CD38: variants seen among roughly 807,000 people sequenced by gnomAD.
CD38 encodes the protein CD38 molecule.
In CD38, 31 loss-of-function variants were observed where a neutral mutation model predicts 36.3. That is an observed-to-expected ratio of 0.85 (90% CI 0.64 to 1.15). The LOEUF (loss-of-function observed/expected upper bound fraction) is 1.15. Among genes scored for constraint, CD38 ranks in the 50% most tolerant of loss-of-function variants. CD38 has a pLI of 0.00. For synonymous variants in CD38, 131 were observed against 135.2 expected, an observed-to-expected ratio of 0.97 and a Z score of 0.22; for missense variants, 380 against 371.9, an observed-to-expected ratio of 1.02 and a Z score of -0.18.
At chr4:15,788,272 C>T (rs1333857091) in intron 1 of CD38, among the ~76,000 whole-genome samples, 3 of 152,152 alleles carry the variant, frequency 2.0e-5, no homozygotes, top group Middle Eastern at 3.2e-3. Flanking sequence ...AATCTTCCAC[C>T]CAGTGCACCA....
At chr4:15,816,392 G>A in intron 1 of CD38, 119 bp from the exon 2 acceptor site, 1 of 758,524 alleles carries the variant, frequency 1.3e-6, no homozygotes, top group East Asian at 2.9e-5. Flanking sequence ...GAGATAATAT[G>A]TATGAACTAC....
chr4:15,785,769 TG>T (rs1722804839), intron 1 of CD38, among the ~76,000 whole-genome samples: 1 of 152,198 alleles, frequency 6.6e-6, no homozygotes, highest in Admixed American at 6.5e-5. Flanking sequence ...CACATCTTAG[TG>T]GGTCCGGAAT....
intron 1 of CD38, among the ~76,000 whole-genome samples, chr4:15,784,705 G>A (rs1040138354): frequency 6.6e-6 from 1 of 152,122 alleles, no homozygotes; most frequent in Non-Finnish European, 1.5e-5. Flanking sequence ...TCTTCTTAAT[G>A]CTTAGTGTTA....
intron 6 of CD38, 111 bp downstream of exon 6, chr4:15,840,229 T>G (rs1724172993): frequency 2.5e-6 from 2 of 800,316 alleles, no homozygotes; most frequent in Non-Finnish European, 4.4e-6. Flanking sequence ...TGAAACTACA[T>G]GAATGTGCAT....
chr4:15,824,213 GT>G (rs1723798662), intron 2 of CD38, among the ~76,000 whole-genome samples: 1 of 151,998 alleles, frequency 6.6e-6, no homozygotes, highest in Non-Finnish European at 1.5e-5. Context: ...TAATACCTAG[GT>G]GATGGGTTAA....
chr4:15,817,681 A>G (rs555935729), intron 2 of CD38, among the ~76,000 whole-genome samples: 134 of 152,216 alleles, frequency 8.8e-4, no homozygotes, highest in Non-Finnish European at 1.6e-3. Flanking sequence ...ATAAGTGATG[A>G]TGATGCTGGG....
At chr4:15,835,191 T>C (rs1452008325) in intron 4 of CD38, among the ~76,000 whole-genome samples, 1 of 152,008 alleles carries the variant, frequency 6.6e-6, no homozygotes, top group African/African-American at 2.4e-5. Flanking sequence ...CTCCTCCTAC[T>C]TTTCTAAGCC....
At chr4:15,792,820 T>C (rs1723033464) in intron 1 of CD38, among the ~76,000 whole-genome samples, 1 of 152,216 alleles carries the variant, frequency 6.6e-6, no homozygotes, top group Non-Finnish European at 1.5e-5. Context: ...CCAATATCGA[T>C]CAGAAGTTTA....
chr4:15,804,785 T>A (rs182226959), intron 1 of CD38, among the ~76,000 whole-genome samples: 2 of 152,250 alleles, frequency 1.3e-5, no homozygotes, highest in African/African-American at 2.4e-5. Flanking sequence ...GAGACAGAGA[T>A]TGATCAATGA....
chr4:15,818,426 A>G (rs1010740010), intron 2 of CD38, among the ~76,000 whole-genome samples: 1 of 152,152 alleles, frequency 6.6e-6, no homozygotes, highest in Non-Finnish European at 1.5e-5. Context: ...GGATTTAATC[A>G]TTCCTGCCTG....
intron 1 of CD38, among the ~76,000 whole-genome samples, chr4:15,806,673 C>T (rs994716783): frequency 6.6e-5 from 10 of 152,142 alleles, no homozygotes; most frequent in Middle Eastern, 3.4e-3. Context: ...GTGAACTCGA[C>T]GGAATGATGT....
intron 3 of CD38, among the ~76,000 whole-genome samples, chr4:15,826,824 C>T (rs1023897808): frequency 6.6e-6 from 1 of 152,078 alleles, no homozygotes; most frequent in Non-Finnish European, 1.5e-5. Context: ...GGTATTGTTA[C>T]TTTAAAATTT....
At chr4:15,813,883 A>AT (rs1723527687) in intron 1 of CD38, among the ~76,000 whole-genome samples, 2 of 152,190 alleles carry the variant, frequency 1.3e-5, no homozygotes, top group Non-Finnish European at 2.9e-5. Flanking sequence ...AGTCTTTGCT[A>AT]TTGTAAATAG....
At chr4:15,797,559 G>A (rs1723128088) in intron 1 of CD38, among the ~76,000 whole-genome samples, 1 of 152,162 alleles carries the variant, frequency 6.6e-6, no homozygotes, top group Non-Finnish European at 1.5e-5. Context: ...GTGTGCTGCA[G>A]CTGCCGTGAT....
intron 1 of CD38, among the ~76,000 whole-genome samples, chr4:15,782,889 G>A (rs1722729124): frequency 6.6e-6 from 1 of 152,178 alleles, no homozygotes; most frequent in Non-Finnish European, 1.5e-5. Flanking sequence ...CTGTCACACA[G>A]TCTTAGTAAT....
intron 3 of CD38, among the ~76,000 whole-genome samples, chr4:15,830,181 G>A (rs1191814395): frequency 6.6e-6 from 1 of 152,112 alleles, no homozygotes; most frequent in Non-Finnish European, 1.5e-5. Flanking sequence ...GTTCTCCATA[G>A]TGGTTGTACT....
chr4:15,838,399 C>G (rs1166776810), intron 5 of CD38, among the ~76,000 whole-genome samples: 1 of 152,186 alleles, frequency 6.6e-6, no homozygotes, highest in African/African-American at 2.4e-5. Flanking sequence ...TGCACTGTAT[C>G]TAGCCCCTGC....
At chr4:15,818,356 C>A (rs555395453) in intron 2 of CD38, among the ~76,000 whole-genome samples, 1 of 152,296 alleles carries the variant, frequency 6.6e-6, no homozygotes, top group Admixed American at 6.5e-5. Context: ...ACAGACAAAA[C>A]CTCCGTCTCC....
At chr4:15,838,282 C>A (rs1360462126) in intron 5 of CD38, 117 bp downstream of exon 5, 3 of 788,334 alleles carry the variant, frequency 3.8e-6, no homozygotes, top group Admixed American at 5.3e-5. Context: ...AAGATTAGGG[C>A]CAAAAAAGGT....
Sources: allele counts gnomAD v4.1 joint callset (sites outside exome capture counted in the v4.1 genomes callset), GRCh38; gene constraint gnomAD v4.1.1; transcripts MANE v1.5; gene names NCBI Gene and HGNC (gene_info 2026-07-23, HGNC 2026-07-21).